The following WDR25 variants were observed in gnomAD, a reference collection of about 807,000 sequenced individuals.
WDR25 encodes the protein WD repeat domain 25.
In WDR25, 35 loss-of-function variants were observed where a neutral mutation model predicts 47.7. The observed-to-expected ratio is 0.73, with a 90% CI of 0.56 to 0.97. The LOEUF is 0.97. Ranked by LOEUF, WDR25 falls within the 50% of genes least tolerant of loss-of-function variation. WDR25 has a pLI of 0.00. For missense variants in WDR25, 634 were observed against 704.7 expected, an observed-to-expected ratio of 0.90 and a Z score of 1.14; for synonymous variants, 248 against 278.9, an observed-to-expected ratio of 0.89 and a Z score of 1.10.
In WDR25 at chr14:100,392,607, C is replaced by T. The variant is rs898828104; in HGVS notation, c.822+10861C>T. On this transcript the variant is annotated intron_variant, in intron 2 of 6. Coordinates refer to ENST00000402312, the MANE Select transcript of WDR25 (RefSeq NM_001161476.3). This position sits in a 1 kb window ranked among gnomAD's most constrained non-coding sequence, Gnocchi z 4.2. Reference sequence around the variant, plus strand: ...TACGGGCTGTGTTTGTCAGAGTGTGCGTGCAGCTCTGCAGCCTGTCTTTCC... The same window carrying T: ...TACGGGCTGTGTTTGTCAGAGTGTGTGTGCAGCTCTGCAGCCTGTCTTTCC... Among the ~76,000 whole-genome samples the T allele has an allele frequency of 7.2e-5, 11 of 152,048 alleles. No individual in the cohort carries two copies. The highest frequency in any genetic ancestry group is 1.3e-4 in the Non-Finnish European group (9 of 68,006).
Position 100,380,977 on chromosome 14 carries a change from C to T in WDR25, c.53C>T (p.Ser18Leu), listed in dbSNP as rs747549954. ...LMASLVAYDD[S>L]DSEAETEHAG... The stretch of plus-strand genomic sequence containing the variant: ...GCTTCATTGGTAGCGTATGATGATT[C>T]GGACTCGGAGGCTGAGACAGAGCAT... Residue 18 changes from serine (S) to leucine (L), a missense_variant, in exon 2 of 7, where the codon TCG (serine) becomes TTG (leucine). By Grantham distance (145) the Ser-to-Leu change is moderately radical. Coordinates refer to ENST00000402312, the MANE Select transcript of WDR25 (RefSeq NM_001161476.3). 1.7e-5 allele frequency: 27 copies of T among 1,614,066 alleles called. No homozygotes were observed. The highest frequency in any genetic ancestry group is 6.7e-5 in the African/African-American group (5 of 74,930).
chr14:100,482,017 A>G (rs1299212276), intron 3 of WDR25, among the ~76,000 whole-genome samples: 1 of 152,198 alleles, frequency 6.6e-6, no homozygotes, highest in Non-Finnish European at 1.5e-5. Context: ...ACATGTGTTA[A>G]GAATTGTGTA....
Position 100,401,707 on chromosome 14 carries a change from C to T in WDR25, c.822+19961C>T, listed in dbSNP as rs146707383. On this transcript the variant is annotated intron_variant, in intron 2 of 6. Coordinates refer to ENST00000402312, the MANE Select transcript of WDR25 (RefSeq NM_001161476.3). Reference sequence around the variant, plus strand: ...CTAAAGGAAGAAAAACATATTCATACAGAGGAATGGAAAAGTACCAGAGAG... The same window carrying T: ...CTAAAGGAAGAAAAACATATTCATATAGAGGAATGGAAAAGTACCAGAGAG... 2.8e-4 allele frequency among the ~76,000 whole-genome samples: 43 copies of T among 152,320 alleles called. 1 individual carries two copies. In the East Asian group the frequency reaches 6.9e-3, roughly 25 times the overall value.
chr14:100,512,164 G>A (rs566979450), intron 4 of WDR25, among the ~76,000 whole-genome samples: 97 of 152,196 alleles, frequency 6.4e-4, no homozygotes, highest in African/African-American at 2.2e-3. Context: ...GGAAGACTTC[G>A]TGTAAAAATT....
chr14:100,379,390 C>CTT (rs148841833), intron 1 of WDR25, among the ~76,000 whole-genome samples: 26 of 135,428 alleles, frequency 1.9e-4, no homozygotes, highest in East Asian at 4.2e-4. Context: ...CTTTTTTTTT[C>CTT]TTTTTTTTTT....
At chr14:100,490,629 T>C (rs917390131) in intron 4 of WDR25, among the ~76,000 whole-genome samples, 1 of 152,216 alleles carries the variant, frequency 6.6e-6, no homozygotes, top group African/African-American at 2.4e-5. Flanking sequence ...CTGCAGGTGA[T>C]TCTAATGTAT....
intron 3 of WDR25, chr14:100,481,170 T>C: frequency 2.2e-6 from 1 of 456,264 alleles, no homozygotes. Flanking sequence ...GCCAAAGTGG[T>C]TAACCAAGAA....
chr14:100,388,394 G>A (rs952963569), intron 2 of WDR25, among the ~76,000 whole-genome samples: 8 of 152,232 alleles, frequency 5.3e-5, no homozygotes, highest in Non-Finnish European at 1.0e-4. Context: ...AGACACGCCC[G>A]AGGACACACA....
At chr14:100,388,500 G>A (rs181724748) in intron 2 of WDR25, among the ~76,000 whole-genome samples, 197 of 152,344 alleles carry the variant, frequency 1.3e-3, no homozygotes, top group Non-Finnish European at 7.1e-4. Context: ...ATTACCCCAG[G>A]ATTGGGAGTG....
At chr14:100,474,830 G>C (rs1899963943) in intron 3 of WDR25, among the ~76,000 whole-genome samples, 1 of 152,184 alleles carries the variant, frequency 6.6e-6, no homozygotes, top group African/African-American at 2.4e-5. Context: ...CACAGCAAAG[G>C]AAACAGTTAA....
At chr14:100,384,119 C>G (rs1595487021) in intron 2 of WDR25, among the ~76,000 whole-genome samples, 1 of 152,322 alleles carries the variant, frequency 6.6e-6, no homozygotes, top group East Asian at 1.9e-4. Flanking sequence ...CACTGTGCAC[C>G]CTGGGTTCCT....
At position 100,468,594 on chromosome 14, in the gene WDR25, G is replaced by C. The variant is rs866783066; in HGVS notation, c.970+426G>C. 6.6e-6 allele frequency among the ~76,000 whole-genome samples: 1 copy of C among 152,192 alleles called. No individual in the cohort carries two copies. The highest frequency in any genetic ancestry group is 1.5e-5 in the Non-Finnish European group (1 of 68,028). On this transcript the variant is annotated intron_variant, in intron 3 of 6. Transcript: ENST00000402312. This position sits in a 1 kb window ranked among gnomAD's most constrained non-coding sequence, Gnocchi z 4.5. Reference sequence around the variant, plus strand: ...CAGCTCATAAGGAAAGTCTTCAAACGAGTTCTGCTTTAATGCCCACACTGA... The same window carrying C: ...CAGCTCATAAGGAAAGTCTTCAAACCAGTTCTGCTTTAATGCCCACACTGA...
intron 2 of WDR25, among the ~76,000 whole-genome samples, chr14:100,385,271 G>A (rs770053158): frequency 2.6e-5 from 4 of 152,132 alleles, no homozygotes; most frequent in African/African-American, 4.8e-5. Context: ...GGATTTTATC[G>A]CAAGCCTTTG....
intron 2 of WDR25, among the ~76,000 whole-genome samples, chr14:100,389,825 A>G (rs1018868961): frequency 6.6e-6 from 1 of 152,180 alleles, no homozygotes; most frequent in Non-Finnish European, 1.5e-5. Flanking sequence ...TTTCCTCGCC[A>G]GGATTGGGGC....
chr14:100,392,285 A>T lies in WDR25; in HGVS notation c.822+10539A>T, dbSNP rs1250751276. Among the ~76,000 whole-genome samples, 1 of 151,934 alleles carries T rather than the reference A, an allele frequency of 6.6e-6. No homozygotes were observed. The highest frequency in any genetic ancestry group is 1.5e-5 in the Non-Finnish European group (1 of 68,018). On this transcript the variant is annotated intron_variant, in intron 2 of 6. Transcript: ENST00000402312. The surrounding 1 kb of genome is among the most constrained non-coding windows in gnomAD (Gnocchi z 4.2). ...CTGTAATTACATTTTGGGGAATCTC[A>T]CTATTGTGTTGGTAAAAACGTCAGC... is the stretch of plus-strand genomic sequence containing the variant.
At chr14:100,483,394 C>T (rs1011977238) in intron 3 of WDR25, among the ~76,000 whole-genome samples, 1 of 152,192 alleles carries the variant, frequency 6.6e-6, no homozygotes, top group Non-Finnish European at 1.5e-5. Context: ...GTGAGACCCC[C>T]AATGGCCCAC....
At chr14:100,431,009 C>T (rs1427322959) in intron 2 of WDR25, among the ~76,000 whole-genome samples, 9 of 152,134 alleles carry the variant, frequency 5.9e-5, no homozygotes, top group Admixed American at 5.2e-4. Flanking sequence ...CTGAGTGAGT[C>T]GATGGAAGGA....
At chr14:100,491,332 T>C (rs867238458) in intron 4 of WDR25, among the ~76,000 whole-genome samples, 9 of 152,236 alleles carry the variant, frequency 5.9e-5, no homozygotes, top group Admixed American at 3.3e-4. Context: ...CCCTCACAGA[T>C]CCTCTTGTTC....
At position 100,425,610 on chromosome 14, in the gene WDR25, C is replaced by T. The variant is rs1006385731; in HGVS notation, c.823-42411C>T. 2.0e-5 allele frequency among the ~76,000 whole-genome samples: 3 copies of T among 152,290 alleles called. No individual in the cohort carries two copies. Among genetic ancestry groups the T allele is most frequent in the East Asian group, 1.9e-4 (1 of 5,182 alleles). On this transcript the variant is annotated intron_variant, in intron 2 of 6. Coordinates refer to ENST00000402312, the MANE Select transcript of WDR25 (RefSeq NM_001161476.3). The surrounding 1 kb of genome is among the most constrained non-coding windows in gnomAD (Gnocchi z 4.8). Reference sequence around the variant, plus strand: ...AAGCTCATCAGGCAGCACCGTCGGACGCTGATGGTGGGGGCTGGGCCCTGT... The same window carrying T: ...AAGCTCATCAGGCAGCACCGTCGGATGCTGATGGTGGGGGCTGGGCCCTGT...
Sources: allele counts gnomAD v4.1 joint callset (sites outside exome capture counted in the v4.1 genomes callset), GRCh38; gene constraint gnomAD v4.1.1; non-coding constraint Gnocchi (gnomAD v3.1); transcripts MANE v1.5; gene names NCBI Gene and HGNC (gene_info 2026-07-23, HGNC 2026-07-21).